The following ABCD2 variants were observed in gnomAD, a reference collection of about 807,000 sequenced individuals.
ABCD2 encodes ATP-binding cassette sub-family D member 2.
In ABCD2, 36 loss-of-function variants were observed where a neutral mutation model predicts 70.9. That is an observed-to-expected ratio of 0.51 (90% CI 0.39 to 0.67). The LOEUF is 0.67. Ranked by LOEUF, ABCD2 falls within the 30% of genes least tolerant of loss-of-function variation. ABCD2 has a pLI of 0.00. For synonymous variants in ABCD2, 304 were observed against 306.9 expected (o/e 0.99, Z 0.10); for missense variants, 729 against 890.2 (o/e 0.82, Z 2.30).
At chr12:39,592,609 G>C (rs1941761493) in intron 6 of ABCD2, among the ~76,000 whole-genome samples, 1 of 152,158 alleles carries the variant, frequency 6.6e-6, no homozygotes, top group Admixed American at 6.5e-5. Context: ...TCTTTGCTTT[G>C]AGGGCAGCAG....
chr12:39,564,141 C>G (rs527401655), intron 9 of ABCD2, among the ~76,000 whole-genome samples: 1 of 151,980 alleles, frequency 6.6e-6, no homozygotes, highest in Non-Finnish European at 1.5e-5. Context: ...GTGTATATAC[C>G]CAGTAATGGG....
intron 2 of ABCD2, among the ~76,000 whole-genome samples, chr12:39,609,431 A>G (rs1305322611): frequency 6.6e-6 from 1 of 152,208 alleles, no homozygotes; most frequent in African/African-American, 2.4e-5. Flanking sequence ...CGTTAGTGCA[A>G]TACATGGCCC....
intron 8 of ABCD2, among the ~76,000 whole-genome samples, chr12:39,574,287 A>T (rs767764464): frequency 6.6e-6 from 1 of 152,180 alleles, no homozygotes; most frequent in Non-Finnish European, 1.5e-5. Flanking sequence ...CAGCAATATG[A>T]ATACCTAAGC....
At chr12:39,614,244 T>G (rs1294944043) in intron 2 of ABCD2, among the ~76,000 whole-genome samples, 1 of 152,198 alleles carries the variant, frequency 6.6e-6, no homozygotes, top group African/African-American at 2.4e-5. Context: ...AGGGTAAGAA[T>G]ATGATAAATA....
chr12:39,581,514 C>CAACA (rs1941595592), intron 7 of ABCD2, among the ~76,000 whole-genome samples: 3 of 152,100 alleles, frequency 2.0e-5, no homozygotes, highest in African/African-American at 7.2e-5. Flanking sequence ...AAAATACCAT[C>CAACA]TGATTTAGAG....
chr12:39,545,665 A>G (rs1941018967), downstream of ABCD2, among the ~76,000 whole-genome samples: 1 of 152,138 alleles, frequency 6.6e-6, no homozygotes, highest in Non-Finnish European at 1.5e-5. Flanking sequence ...TGACCTTTTC[A>G]TTGTTGTGAT....
intron 9 of ABCD2, among the ~76,000 whole-genome samples, chr12:39,556,592 C>T (rs979883267): frequency 2.0e-5 from 3 of 152,134 alleles, no homozygotes; most frequent in African/African-American, 7.2e-5. Flanking sequence ...GTCAATTAAA[C>T]CCTTTTTCCT....
chr12:39,547,762 A>T (rs1028568285), downstream of ABCD2, among the ~76,000 whole-genome samples: 4 of 152,122 alleles, frequency 2.6e-5, no homozygotes, highest in African/African-American at 9.7e-5. Context: ...ACATTACTGA[A>T]CTGTACACAT....
the ABCD2 span, among the ~76,000 whole-genome samples, chr12:39,541,624 G>A: frequency 6.6e-6 from 1 of 152,202 alleles, no homozygotes; most frequent in Non-Finnish European, 1.5e-5. Context: ...GTGGGAAAAG[G>A]TCACTGGCTA....
chr12:39,534,717 A>AGGAAAGAAGGAAGGAT, the ABCD2 span, among the ~76,000 whole-genome samples: 1 of 145,326 alleles, frequency 6.9e-6, no homozygotes, highest in African/African-American at 2.6e-5. Context: ...GAAGGAAGGA[A>AGGAAAGAAGGAAGGAT]GGAAGGAAGG....
chr12:39,564,380 T>C (rs934522290), intron 9 of ABCD2, among the ~76,000 whole-genome samples: 2 of 152,224 alleles, frequency 1.3e-5, no homozygotes, highest in Non-Finnish European at 2.9e-5. Flanking sequence ...TGATGGCCAA[T>C]GATGATGAGC....
chr12:39,586,890 G>T (rs946344899), intron 6 of ABCD2, among the ~76,000 whole-genome samples: 2 of 152,140 alleles, frequency 1.3e-5, no homozygotes, highest in African/African-American at 2.4e-5. Flanking sequence ...ACTACATTGA[G>T]TTTCTTACTA....
chr12:39,582,640 A>T (rs1421043156), intron 7 of ABCD2, among the ~76,000 whole-genome samples: 1 of 152,210 alleles, frequency 6.6e-6, no homozygotes, highest in Non-Finnish European at 1.5e-5. Context: ...AACTCCAAGG[A>T]GTTGACCACA....
chr12:39,552,821 A>G lies in ABCD2; in HGVS notation c.*1091T>C, dbSNP rs1027261359. The stretch of plus-strand genomic sequence containing the variant: ...ATTATAGCCCAGTTTGATTTAAAGG[A>G]TAATAACAAAAGAGCACTAAACCAG... On this transcript the variant is annotated 3_prime_UTR_variant, in exon 10 of 10. Transcript: ENST00000308666. The G allele has an allele frequency of 2.0e-5, 3 of 151,982 alleles. No homozygotes were observed. Among genetic ancestry groups the G allele is most frequent in the Non-Finnish European group, 2.9e-5 (2 of 67,874 alleles). 9.4% of individuals were successfully genotyped at this position (151,982 alleles called of 1,614,324 possible).
Position 39,553,892 on chromosome 12 carries a change from T to C in ABCD2, c.*20A>G, listed in dbSNP as rs148223368. ...TGAGCCTTTATCTAATAATTAACTT[T>C]TAAAATATGTCAAAACAAATTAAGA... On this transcript the variant is annotated 3_prime_UTR_variant, in exon 10 of 10. Coordinates refer to ENST00000308666, the MANE Select transcript of ABCD2 (RefSeq NM_005164.4). 1 of 1,559,576 alleles carries C rather than the reference T, an allele frequency of 6.4e-7. No individual in the cohort carries two copies. The highest frequency in any genetic ancestry group is 8.7e-7 in the Non-Finnish European group (1 of 1,143,568).
rs1426791385 is a variant in ABCD2 at position 39,573,718 on chromosome 12, A to C, written c.2001T>G (p.Leu667=). Residue 667 remains leucine, a splice_region_variant and synonymous_variant, in exon 9 of 10, where the codon CTT becomes CTG. Coordinates refer to ENST00000308666, the MANE Select transcript of ABCD2 (RefSeq NM_005164.4). ...SLLSITHRPS[L]WKYHTHLLQF... The stretch of plus-strand genomic sequence containing the variant: ...AAATTAGCACTAGAAACACTTACCA[A>C]AGAGAAGGTCTGTGTGTTATAGACA... 6.2e-7 allele frequency: 1 copy of C among 1,602,904 alleles called. No individual in the cohort carries two copies. Among genetic ancestry groups the C allele is most frequent in the South Asian group, 1.1e-5 (1 of 88,018 alleles).
rs748840539 is a variant in ABCD2, at chr12:39,618,775, G to A, written c.841C>T (p.Leu281=). ...TTTCTATGTGCTTCCTCTGCCACCAGTTTGCCAAATTTGGGAGAACAGGCT... is the reference window on the plus strand; with the variant it reads ...TTTCTATGTGCTTCCTCTGCCACCAATTTGCCAAATTTGGGAGAACAGGCT... ...LKACSPKFGK[L]VAEEAHRKGY... Residue 281 remains leucine, a synonymous_variant, in exon 1 of 10, where the codon CTG becomes TTG. Coordinates refer to ENST00000308666, the MANE Select transcript of ABCD2 (RefSeq NM_005164.4). 9.9e-6 allele frequency: 16 copies of A among 1,614,096 alleles called. No homozygotes were observed.
chr12:39,617,801 A>G (rs1283126748), intron 1 of ABCD2, among the ~76,000 whole-genome samples: 1 of 152,228 alleles, frequency 6.6e-6, no homozygotes, highest in Non-Finnish European at 1.5e-5. Context: ...TTGACATGCC[A>G]TCTTCAACAG....
intron 9 of ABCD2, among the ~76,000 whole-genome samples, chr12:39,566,461 G>A (rs1414505425): frequency 6.6e-6 from 1 of 152,044 alleles, no homozygotes; most frequent in Non-Finnish European, 1.5e-5. Flanking sequence ...TATTTCTGTG[G>A]GATCAGTGGT....
Sources: allele counts gnomAD v4.1 joint callset (sites outside exome capture counted in the v4.1 genomes callset), GRCh38; gene constraint gnomAD v4.1.1; transcripts MANE v1.5; gene names NCBI Gene and HGNC (gene_info 2026-07-23, HGNC 2026-07-21).